Variants in TSKU observed in about 807,000 individuals in gnomAD.
The protein encoded by TSKU is tsukushi, small leucine rich proteoglycan.
In TSKU, 4 loss-of-function variants were observed where a neutral mutation model predicts 11.2. That is an observed-to-expected ratio of 0.36 (90% CI 0.18 to 0.82). The LOEUF is 0.82. Ranked by LOEUF, TSKU falls within the 40% of genes least tolerant of loss-of-function variation. The pLI is 0.50. For synonymous variants in TSKU, 220 were observed against 232.2 expected (o/e 0.95, Z 0.48); for missense variants, 407 against 482.5 (o/e 0.84, Z 1.47).
rs1394370268 is a variant in TSKU at position 76,795,596 on chromosome 11, G to A, written c.-8-13G>A. The A allele has an allele frequency of 3.1e-6, 5 of 1,602,558 alleles. No individual in the cohort carries two copies. Among genetic ancestry groups the A allele is most frequent in the Non-Finnish European group, 4.2e-6 (5 of 1,178,026 alleles). On this transcript the variant is annotated splice_polypyrimidine_tract_variant and intron_variant, in intron 1 of 1. Transcript: ENST00000333090. ...CTGGTGCATTCATTCCTCACCTGTG[G>A]CTCTCTTTCTAGCCCCCACCATGCC...
Position 76,796,207 on chromosome 11 carries a change from TGCC to T in TSKU, c.593_595del (p.Ala198del), listed in dbSNP as rs760692524. 6.2e-7 allele frequency: 1 copy of T among 1,613,616 alleles called. No homozygotes were observed. Among genetic ancestry groups the T allele is most frequent in the Non-Finnish European group, 8.5e-7 (1 of 1,179,990 alleles). On this transcript the variant is annotated inframe_deletion, in exon 2 of 2. Transcript: ENST00000333090. The surrounding 1 kb of genome is among the most constrained non-coding windows in gnomAD (Gnocchi z 4.1). Reference sequence around the variant, plus strand: ...TGAACCTGGCCTGGAACCGGCTCCATGCCGTGCCCAACCTCCGAGACTTGCCCC... The same window carrying T: ...TGAACCTGGCCTGGAACCGGCTCCATGTGCCCAACCTCCGAGACTTGCCCC...
intron 1 of TSKU, among the ~76,000 whole-genome samples, chr11:76,793,497 C>T (rs928649114): frequency 3.9e-5 from 6 of 152,176 alleles, no homozygotes; most frequent in South Asian, 4.1e-4. Context: ...TGGCATTTCA[C>T]GGACCCCTTG....
At chr11:76,791,325 G>C (rs1484833251) in intron 1 of TSKU, among the ~76,000 whole-genome samples, 1 of 152,240 alleles carries the variant, frequency 6.6e-6, no homozygotes, top group Non-Finnish European at 1.5e-5. Flanking sequence ...ATTTAAGCCG[G>C]CTGCAGAAAT....
Position 76,798,087 on chromosome 11 carries a change from C to G in TSKU, c.*1409C>G, listed in dbSNP as rs1238569870. ...GGCAGTGAGCTCTGTCTTCCCCCAC[C>G]TGCCTAGCCCATCATCTATCTAACC... On this transcript the variant is annotated 3_prime_UTR_variant, in exon 2 of 2. Transcript: ENST00000333090. The G allele has an allele frequency of 6.0e-6, 1 of 167,170 alleles. No homozygotes were observed. Among genetic ancestry groups the G allele is most frequent in the Non-Finnish European group, 1.5e-5 (1 of 68,178 alleles). The allele number at this position is 167,170 out of a possible 1,614,324, so 10.4% of individuals were successfully genotyped here.
chr11:76,785,351 G>A (rs1811933113), intron 1 of TSKU, among the ~76,000 whole-genome samples: 1 of 152,208 alleles, frequency 6.6e-6, no homozygotes, highest in African/African-American at 2.4e-5. Flanking sequence ...GCTGGCCTGG[G>A]CACTGAGGAC....
At chr11:76,783,877 T>A (rs1457356105) in intron 1 of TSKU, among the ~76,000 whole-genome samples, 2 of 151,966 alleles carry the variant, frequency 1.3e-5, no homozygotes. Flanking sequence ...GCAGAGGGTG[T>A]GCGCACCGAG....
In TSKU at chr11:76,796,278, G is replaced by T; in HGVS notation, c.662G>T (p.Gly221Val). The T allele has an allele frequency of 6.2e-7, 1 of 1,613,404 alleles. No homozygotes were observed. Among genetic ancestry groups the T allele is most frequent in the Non-Finnish European group, 8.5e-7 (1 of 1,179,994 alleles). The change falls in exon 2 of 2, where the codon GGT becomes GTT. Residue 221 changes from glycine (G) to valine (V), a missense_variant. Physicochemically the swap from Gly to Val is moderately radical, Grantham distance 109 (BLOSUM62 -3). Coordinates refer to ENST00000333090, the MANE Select transcript of TSKU (RefSeq NM_015516.4). This position sits in a 1 kb window ranked among gnomAD's most constrained non-coding sequence, Gnocchi z 4.1. ...GATGGGAACCCTCTAGCTGTCATTG[G>T]TCCGGGTGCCTTCGCGGGGCTGGGA... ...SLDGNPLAVI[G>V]PGAFAGLGGL...
intron 1 of TSKU, chr11:76,784,124 G>A (rs538538259): frequency 9.0e-4 from 137 of 152,920 alleles, no homozygotes; most frequent in South Asian, 1.9e-3. Flanking sequence ...GCAGGGGCTG[G>A]GCGGAGCGTG....
rs533848208 is a variant in TSKU at position 76,785,746 on chromosome 11, G to T, written c.-9+2342G>T. On this transcript the variant is annotated intron_variant, in intron 1 of 1. Transcript: ENST00000333090. ...GGAGGATTTAAACAGGCACAGCAGGGTGCGGTTGGTAATTCTATGAAACCC... is the reference window on the plus strand; with the variant it reads ...GGAGGATTTAAACAGGCACAGCAGGTTGCGGTTGGTAATTCTATGAAACCC... Among the ~76,000 whole-genome samples, 283 of 152,260 alleles carry T rather than the reference G, an allele frequency of 1.9e-3. 1 individual carries two copies. The highest frequency in any genetic ancestry group is 6.5e-3 in the African/African-American group (271 of 41,536).
Position 76,797,924 on chromosome 11 carries a change from T to A in TSKU, c.*1246T>A, listed in dbSNP as rs1434040507. ...CCCCTGCTGGCCGGGGATGGAGACA[T>A]GTCATTTGTAAAAGCAGAAAAAGGT... On this transcript the variant is annotated 3_prime_UTR_variant, in exon 2 of 2. Coordinates refer to ENST00000333090, the MANE Select transcript of TSKU (RefSeq NM_015516.4). The A allele has an allele frequency of 6.0e-6, 1 of 167,094 alleles. No homozygotes were observed. Among genetic ancestry groups the A allele is most frequent in the Non-Finnish European group, 1.5e-5 (1 of 68,118 alleles). The allele number at this position is 167,094 out of a possible 1,614,324, so 10.4% of individuals were successfully genotyped here. A position where few individuals can be genotyped will look rare whatever the true frequency, so the allele number is the denominator to read the frequency against.
At chr11:76,785,885 C>T (rs907995886) in intron 1 of TSKU, among the ~76,000 whole-genome samples, 1 of 152,152 alleles carries the variant, frequency 6.6e-6, no homozygotes. Context: ...TGCTTCCTAC[C>T]TCTGTGGCCT....
At chr11:76,791,678 A>G (rs1944372680) in intron 1 of TSKU, 1 of 152,266 alleles carries the variant, frequency 6.6e-6, no homozygotes, top group Admixed American at 6.5e-5. Flanking sequence ...AGAAGGGGAT[A>G]ATTGTTCATT....
chr11:76,784,508 G>C (rs926786440), intron 1 of TSKU: 2 of 152,344 alleles, frequency 1.3e-5, no homozygotes, highest in Non-Finnish European at 2.9e-5. Flanking sequence ...TGCGGCGCTG[G>C]CAAGTTGCTC....
At position 76,791,183 on chromosome 11, in the gene TSKU, G is replaced by T. The variant is rs868653655; in HGVS notation, c.-8-4426G>T. ...GCAGAAGAAATTTCTAAGCAGGAAA[G>T]CATTCAAGAGGTGACCTGGGTGCTG... On this transcript the variant is annotated intron_variant, in intron 1 of 1. Coordinates refer to ENST00000333090, the MANE Select transcript of TSKU (RefSeq NM_015516.4). 1.1e-4 allele frequency among the ~76,000 whole-genome samples: 17 copies of T among 152,332 alleles called. No individual in the cohort carries two copies. The South Asian group carries it at 1.9e-3, about 17-fold the overall frequency.
rs567652702 is a variant in TSKU at position 76,796,560 on chromosome 11, G to A, written c.944G>A (p.Arg315Gln). Reference sequence around the variant, plus strand: ...AGCGTCAGCGTGGGCCAGGATGTGCGGTGCCGGCGCCTGGTGCGGGAGGGC... The same window carrying A: ...AGCGTCAGCGTGGGCCAGGATGTGCAGTGCCGGCGCCTGGTGCGGGAGGGC... ...LQSVSVGQDV[R>Q]CRRLVREGTY... Residue 315 changes from arginine (R) to glutamine (Q), a missense_variant, in exon 2 of 2, where the codon CGG becomes CAG. By Grantham distance (43) the Arg-to-Gln change is conservative. Transcript: ENST00000333090. The surrounding 1 kb of genome is among the most constrained non-coding windows in gnomAD (Gnocchi z 4.1). 2.1e-5 allele frequency: 33 copies of A among 1,587,846 alleles called. No homozygotes were observed. Among genetic ancestry groups the A allele is most frequent in the Middle Eastern group, 1.7e-4 (1 of 5,934 alleles).
chr11:76,785,436 T>C lies in TSKU; in HGVS notation c.-9+2032T>C, dbSNP rs146065800. ...AGTCCTAAGAGGGGTTCTGTGGGAA[T>C]AACCCGGAGAAGGGGCCTGACAGGA... On this transcript the variant is annotated intron_variant, in intron 1 of 1. Transcript: ENST00000333090. Among the ~76,000 whole-genome samples the C allele has an allele frequency of 3.9e-5, 6 of 152,292 alleles. No homozygotes were observed. In the East Asian group the frequency reaches 1.2e-3, roughly 29 times the overall value.
rs1201360732 is a variant in TSKU at position 76,796,172 on chromosome 11, A to G, written c.556A>G (p.Ile186Val). 2 of 1,613,030 alleles carry G rather than the reference A, an allele frequency of 1.2e-6. No individual in the cohort carries two copies. The highest frequency in any genetic ancestry group is 1.1e-5 in the South Asian group (1 of 91,016). The part of the protein sequence containing the change: ...PTRAGLPAPT[I>V]QSLNLAWNRL... ...GAGGGCCGGCCTGCCTGCGCCCACC[A>G]TTCAGAGCCTGAACCTGGCCTGGAA... The change falls in exon 2 of 2, where the codon ATT (isoleucine) becomes GTT (valine). Residue 186 changes from isoleucine (I) to valine (V), a missense_variant. Coordinates refer to ENST00000333090, the MANE Select transcript of TSKU (RefSeq NM_015516.4). This position sits in a 1 kb window ranked among gnomAD's most constrained non-coding sequence, Gnocchi z 4.1.
chr11:76,788,243 G>T (rs1206030877), intron 1 of TSKU, among the ~76,000 whole-genome samples: 1 of 151,954 alleles, frequency 6.6e-6, no homozygotes, highest in African/African-American at 2.4e-5. Context: ...GGGTGCTGGG[G>T]CCCTGTACCA....
intron 1 of TSKU, chr11:76,791,636 G>T (rs1374369424): frequency 1.3e-5 from 2 of 152,232 alleles, no homozygotes; most frequent in East Asian, 3.8e-4. Flanking sequence ...CACTGACCTT[G>T]GGCAGGTGAC....
Sources: gnomAD v4.1 joint callset for allele counts (sites outside exome capture counted in the v4.1 genomes callset) on GRCh38, gnomAD v4.1.1 for gene constraint, Gnocchi (gnomAD v3.1) non-coding constraint, MANE v1.5 for transcripts, NCBI Gene and HGNC (gene_info 2026-07-23, HGNC 2026-07-21) for gene names.